The following RNF13 variants were observed in gnomAD, a reference collection of about 807,000 sequenced individuals.
RNF13 encodes ring finger protein 13.
Under a neutral mutation model 37.7 loss-of-function variants are expected in RNF13, and 19 were observed. That is an observed-to-expected ratio of 0.50 (90% CI 0.35 to 0.74). The LOEUF (loss-of-function observed/expected upper bound fraction) is 0.74, where lower values mean the gene tolerates loss of function less well. Ranked by LOEUF, RNF13 falls within the 30% of genes least tolerant of loss-of-function variation. The probability of loss-of-function intolerance (pLI) is 0.01; values close to 1 mark genes in which losing one functional copy is unlikely to be tolerated. For missense variants in RNF13, 375 were observed against 453.0 expected, an observed-to-expected ratio of 0.83 and a Z score of 1.56; for synonymous variants, 144 against 157.8, an observed-to-expected ratio of 0.91 and a Z score of 0.65.
chr3:149,913,259 C>A (rs1243451385), intron 7 of RNF13, among the ~76,000 whole-genome samples: 2 of 151,776 alleles, frequency 1.3e-5, no homozygotes, highest in Admixed American at 1.3e-4. Context: ...GTAAGTTTTT[C>A]TTGCTACCAA....
chr3:149,847,121 A>C (rs1456044263), intron 2 of RNF13, among the ~76,000 whole-genome samples: 1 of 152,240 alleles, frequency 6.6e-6, no homozygotes, highest in Non-Finnish European at 1.5e-5. Flanking sequence ...TGATGAGATT[A>C]TGTTCCAACA....
chr3:149,869,672 A>G (rs1358858293), intron 3 of RNF13, among the ~76,000 whole-genome samples: 1 of 150,982 alleles, frequency 6.6e-6, no homozygotes, highest in Non-Finnish European at 1.5e-5. Flanking sequence ...TGCTTCGTCC[A>G]TTTGGGGATC....
chr3:149,818,157 G>C (rs1055332031), intron 1 of RNF13, among the ~76,000 whole-genome samples: 1 of 152,188 alleles, frequency 6.6e-6, no homozygotes, highest in Admixed American at 6.5e-5. Flanking sequence ...CTACTACTTA[G>C]GGGTTTTTCT....
At chr3:149,958,751 G>C (rs992002506) in intron 8 of RNF13, among the ~76,000 whole-genome samples, 1 of 152,094 alleles carries the variant, frequency 6.6e-6, no homozygotes, top group Non-Finnish European at 1.5e-5. Flanking sequence ...ATATATCAGA[G>C]GTCCTTTAGT....
intron 3 of RNF13, among the ~76,000 whole-genome samples, chr3:149,854,496 C>T (rs1306053693): frequency 1.3e-5 from 2 of 152,098 alleles, no homozygotes; most frequent in African/African-American, 4.8e-5. Context: ...TGAAAAGTTT[C>T]TTAATTCTTA....
At chr3:149,953,867 C>T (rs1450023219) in intron 8 of RNF13, among the ~76,000 whole-genome samples, 2 of 152,146 alleles carry the variant, frequency 1.3e-5, no homozygotes, top group African/African-American at 4.8e-5. Flanking sequence ...TACGATAGTG[C>T]TTGGCACATA....
At chr3:149,940,359 T>G (rs1720129220) in intron 8 of RNF13, among the ~76,000 whole-genome samples, 1 of 152,196 alleles carries the variant, frequency 6.6e-6, no homozygotes, top group South Asian at 2.1e-4. Context: ...TGTTATTCAT[T>G]TCACTTATAT....
At chr3:149,917,774 C>T (rs566039508) in intron 7 of RNF13, among the ~76,000 whole-genome samples, 2 of 152,214 alleles carry the variant, frequency 1.3e-5, no homozygotes, top group South Asian at 4.1e-4. Context: ...ATTTTGTAAA[C>T]ATTCCATGTG....
intron 4 of RNF13, among the ~76,000 whole-genome samples, chr3:149,874,484 A>G (rs1712460495): frequency 6.6e-6 from 1 of 152,188 alleles, no homozygotes; most frequent in African/African-American, 2.4e-5. Flanking sequence ...TGAACTAATC[A>G]ATGTTAAATG....
intron 8 of RNF13, among the ~76,000 whole-genome samples, chr3:149,955,375 T>C (rs1721762902): frequency 6.6e-6 from 1 of 152,014 alleles, no homozygotes; most frequent in African/African-American, 2.4e-5. Context: ...ATAATAAATA[T>C]TAGTTCCTTT....
At chr3:149,890,369 G>C (rs983186079) in intron 4 of RNF13, among the ~76,000 whole-genome samples, 2 of 152,140 alleles carry the variant, frequency 1.3e-5, no homozygotes, top group South Asian at 4.1e-4. Flanking sequence ...AGAGCCTTCA[G>C]GGTACTGCAC....
At chr3:149,853,458 GAGAGAGAGA>G (rs1723318917) in intron 3 of RNF13, among the ~76,000 whole-genome samples, 2 of 14,094 alleles carry the variant, frequency 1.4e-4, no homozygotes, top group Admixed American at 4.6e-4. Context: ...GAGAGAGGGA[GAGAGAGAGA>G]GAGAGAGAGA....
chr3:149,931,225 G>A lies in RNF13; in HGVS notation c.700+9998G>A, dbSNP rs975864540. ...ACTACAGGTGTGCACCACTGTGGCC[G>A]GCTAATTTTTTTATTTTTATTTTTT... On this transcript the variant is annotated intron_variant, in intron 8 of 9. Transcript: ENST00000392894. Among the ~76,000 whole-genome samples, 6 of 151,744 alleles carry A rather than the reference G, an allele frequency of 4.0e-5. No individual in the cohort carries two copies. The East Asian group carries it at 5.8e-4, about 15-fold the overall frequency.
chr3:149,840,725 T>C (rs3772201), intron 1 of RNF13, among the ~76,000 whole-genome samples: 137,172 of 152,252 alleles, frequency 0.9, 61,883 homozygotes, highest in African/African-American at 0.94. Context: ...TTCTGATTGG[T>C]ATCCACACTC....
rs893337183 is a variant in RNF13 at position 149,961,579 on chromosome 3, C to T, written c.*475C>T. The T allele has an allele frequency of 4.1e-4, 127 of 308,874 alleles. No individual in the cohort carries two copies. The highest frequency in any genetic ancestry group is 2.7e-3 in the African/African-American group (123 of 45,066). The allele number at this position is 308,874 out of a possible 1,614,324, so 19.1% of individuals were successfully genotyped here. ...GGGAGAGGCAACAAGGTAATTCAGC[C>T]TTTCCTCCTATCAGCACAAAGAAAC... On this transcript the variant is annotated 3_prime_UTR_variant, in exon 10 of 10. Transcript: ENST00000392894.
At chr3:149,949,020 C>G (rs1721046789) in intron 8 of RNF13, among the ~76,000 whole-genome samples, 1 of 151,298 alleles carries the variant, frequency 6.6e-6, no homozygotes. Flanking sequence ...AGAGCCAGAC[C>G]CTGTCTAGAA....
At chr3:149,845,835 T>C (rs1722591664) in intron 1 of RNF13, 176 bp from the exon 2 acceptor site, 3 of 502,120 alleles carry the variant, frequency 6.0e-6, no homozygotes, top group Non-Finnish European at 1.1e-5. Context: ...GGTGTTTACC[T>C]AAATGTCCAA....
At chr3:149,867,740 C>A (rs1711526869) in intron 3 of RNF13, among the ~76,000 whole-genome samples, 1 of 151,782 alleles carries the variant, frequency 6.6e-6, no homozygotes, top group Non-Finnish European at 1.5e-5. Context: ...ATCCATCCAG[C>A]CATTCTGTGC....
chr3:149,873,660 C>T (rs1184074929), intron 4 of RNF13, among the ~76,000 whole-genome samples: 3 of 152,164 alleles, frequency 2.0e-5, no homozygotes, highest in Admixed American at 6.5e-5. Context: ...GTGATCTTTA[C>T]CACCCATTTA....
Sources: allele counts gnomAD v4.1 joint callset (sites outside exome capture counted in the v4.1 genomes callset), GRCh38; gene constraint gnomAD v4.1.1; transcripts MANE v1.5; gene names NCBI Gene and HGNC (gene_info 2026-07-23, HGNC 2026-07-21).